WTAP: variants seen among roughly 807,000 people sequenced by gnomAD.
WTAP encodes WT1 associated protein.
In WTAP, 8 loss-of-function variants were observed where a neutral mutation model predicts 50.0. That is an observed-to-expected ratio of 0.16 (90% CI 0.09 to 0.29). The LOEUF (loss-of-function observed/expected upper bound fraction) is 0.29. WTAP is among the 10% of genes least tolerant of loss of function. WTAP has a pLI of 1.00. For synonymous variants in WTAP, 194 were observed against 169.0 expected, an observed-to-expected ratio of 1.15 and a Z score of -1.15; for missense variants, 295 against 470.7, an observed-to-expected ratio of 0.63 and a Z score of 3.45.
At chr6:159,735,581 T>C (rs1440016764) in intron 1 of WTAP, among the ~76,000 whole-genome samples, 1 of 152,066 alleles carries the variant, frequency 6.6e-6, no homozygotes, top group Non-Finnish European at 1.5e-5. Context: ...AAACCCCGTC[T>C]CTACTAAAAA....
At chr6:159,746,539 G>A (rs1779587312) in intron 5 of WTAP, among the ~76,000 whole-genome samples, 1 of 152,062 alleles carries the variant, frequency 6.6e-6, no homozygotes. Flanking sequence ...TAATAATAAT[G>A]CTTTATTTCT....
chr6:159,748,828 C>T lies in WTAP; in HGVS notation c.452+459C>T, dbSNP rs1349187151. 1 of 1,226,588 alleles carries T rather than the reference C, an allele frequency of 8.2e-7. No homozygotes were observed. The highest frequency in any genetic ancestry group is 1.6e-5 in the African/African-American group (1 of 64,224). 76.0% of individuals were successfully genotyped at this position (1,226,588 alleles called of 1,614,324 possible). ...AAATGTAAAAACGGAATATGCATCG[C>T]TCTTAACCTTGAGCATAGTGACTTA... On this transcript the variant is annotated intron_variant, in intron 6 of 7. Coordinates refer to ENST00000621533, the MANE Select transcript of WTAP (RefSeq NM_001270531.2). This position sits in a 1 kb window ranked among gnomAD's most constrained non-coding sequence, Gnocchi z 5.6.
At chr6:159,742,429 T>A (rs1164676220) in intron 4 of WTAP, among the ~76,000 whole-genome samples, 1 of 152,172 alleles carries the variant, frequency 6.6e-6, no homozygotes, top group African/African-American at 2.4e-5. Flanking sequence ...TACTTGAAAC[T>A]TTTCTTACTT....
chr6:159,738,938 A>G (rs747018106), intron 2 of WTAP, 52 bp from the exon 3 acceptor site: 102 of 1,402,052 alleles, frequency 7.3e-5, no homozygotes, highest in Non-Finnish European at 9.2e-5. Context: ...TCATTATAGA[A>G]CTTTGTGTCT....
chr6:159,745,976 C>T (rs1414547508), intron 5 of WTAP, among the ~76,000 whole-genome samples: 1 of 152,074 alleles, frequency 6.6e-6, no homozygotes, highest in African/African-American at 2.4e-5. Flanking sequence ...GACTGAGTAA[C>T]GATGCTACTA....
upstream of WTAP, chr6:159,727,497 C>A (rs1778259266): frequency 1.1e-5 from 11 of 993,150 alleles, no homozygotes; most frequent in Non-Finnish European, 1.2e-5. Flanking sequence ...GGCGGCGGGG[C>A]CTGGTTTCCT....
At position 159,727,667 on chromosome 6, in the gene WTAP, G is replaced by C. The variant is rs1778276682; in HGVS notation, c.-45G>C. On this transcript the variant is annotated 5_prime_UTR_variant, in exon 1 of 8. It removes an upstream start codon present in the reference 5' UTR. Transcript: ENST00000621533. ...GGCAAGCAGCGCGGCCTCGGCCTAT[G>C]CGACCGGTGGCGCCGGCGCGGCTTC... The C allele has an allele frequency of 1.0e-6, 1 of 985,150 alleles. No individual in the cohort carries two copies. Among genetic ancestry groups the C allele is most frequent in the Non-Finnish European group, 1.2e-6 (1 of 830,104 alleles). 61.0% of individuals were successfully genotyped at this position (985,150 alleles called of 1,614,324 possible).
intron 6 of WTAP, among the ~76,000 whole-genome samples, chr6:159,752,106 C>G (rs1476881456): frequency 6.6e-6 from 1 of 151,392 alleles, no homozygotes; most frequent in African/African-American, 2.4e-5. Flanking sequence ...CCATGCAACA[C>G]TTCAAAGATT....
intron 1 of WTAP, among the ~76,000 whole-genome samples, chr6:159,734,637 C>G (rs1447147692): frequency 6.6e-6 from 1 of 151,798 alleles, no homozygotes; most frequent in Non-Finnish European, 1.5e-5. Flanking sequence ...ATGGTGGGTC[C>G]CCATCTCTTA....
chr6:159,738,088 C>T (rs1779030964), intron 2 of WTAP, among the ~76,000 whole-genome samples: 3 of 152,186 alleles, frequency 2.0e-5, no homozygotes, highest in East Asian at 1.9e-4. Flanking sequence ...TCACATTTCA[C>T]GTTATACTAG....
At chr6:159,740,723 A>G (rs1779204234) in intron 3 of WTAP, among the ~76,000 whole-genome samples, 1 of 135,952 alleles carries the variant, frequency 7.4e-6, no homozygotes, top group African/African-American at 2.7e-5. Context: ...TTTTTTTTTT[A>G]AGACAGAGTC....
At chr6:159,739,824 C>CTTTTTTT (rs56389349) in intron 3 of WTAP, among the ~76,000 whole-genome samples, 7 of 85,158 alleles carry the variant, frequency 8.2e-5, no homozygotes, top group East Asian at 4.6e-4. Flanking sequence ...CACTTTTTAC[C>CTTTTTTT]TTTTTTTTTT....
At chr6:159,754,712 G>A (rs1455165767) in intron 7 of WTAP, among the ~76,000 whole-genome samples, 14 of 152,016 alleles carry the variant, frequency 9.2e-5, no homozygotes, top group Admixed American at 9.2e-4. Context: ...GGGGGATAAT[G>A]ACAAGAAAAA....
At chr6:159,731,315 C>A (rs903926629) in intron 1 of WTAP, among the ~76,000 whole-genome samples, 7 of 149,404 alleles carry the variant, frequency 4.7e-5, no homozygotes, top group Non-Finnish European at 1.0e-4. Context: ...AAAAAAAAAA[C>A]AAATTAGCTG....
In WTAP at chr6:159,755,142, A is replaced by C. The variant is rs759258633; in HGVS notation, c.722A>C (p.Gln241Pro). 1.2e-5 allele frequency: 20 copies of C among 1,614,098 alleles called. No homozygotes were observed. Among genetic ancestry groups the C allele is most frequent in the Admixed American group, 3.3e-5 (2 of 59,996 alleles). Residue 241 changes from glutamine (Q) to proline (P), a missense_variant, in exon 8 of 8, where the codon CAG becomes CCG. Gln to Pro is a moderately conservative substitution (Grantham distance 76). Coordinates refer to ENST00000621533, the MANE Select transcript of WTAP (RefSeq NM_001270531.2). Reference protein sequence around the residue: ...ETRQQLAQYQQQQSQASAPST... With the variant: ...ETRQQLAQYQPQQSQASAPST... ...CGCCAGCAGTTGGCTCAGTACCAGC[A>C]GCAGCAGTCTCAGGCCTCTGCCCCA...
intron 4 of WTAP, among the ~76,000 whole-genome samples, chr6:159,743,079 G>A (rs554760101): frequency 1.9e-4 from 29 of 152,306 alleles, no homozygotes; most frequent in African/African-American, 6.3e-4. Flanking sequence ...ACAGGGTCTC[G>A]CACTGTTGCC....
rs200551163 is a variant in WTAP at position 159,729,245 on chromosome 6, TAC to T, written c.-9+1543_-9+1544del. ...ATTTGCTTCTTGCTCCTCAAAATTG[TAC>T]GTTAGTTAGTAGGTCCTTCAGCAAA... On this transcript the variant is annotated intron_variant, in intron 1 of 7. Transcript: ENST00000621533. Among the ~76,000 whole-genome samples the T allele has an allele frequency of 5.2e-3, 789 of 152,328 alleles. 5 individuals are homozygous for T. Among genetic ancestry groups the T allele is most frequent in the African/African-American group, 0.018 (747 of 41,572 alleles).
upstream of WTAP, chr6:159,727,485 C>T (rs1459792122): frequency 1.6e-4 from 162 of 988,782 alleles, no homozygotes; most frequent in Non-Finnish European, 1.9e-4. Flanking sequence ...GGGGCGGGGC[C>T]GGGCGGCGGG....
chr6:159,727,365 C>T, upstream of WTAP: 4 of 647,370 alleles, frequency 6.2e-6, no homozygotes, highest in African/African-American at 3.4e-5. Flanking sequence ...CATGGCGGAG[C>T]GGGGAGGCTG....
Sources: gnomAD v4.1 joint callset for allele counts (sites outside exome capture counted in the v4.1 genomes callset) on GRCh38, gnomAD v4.1.1 for gene constraint, Gnocchi (gnomAD v3.1) non-coding constraint, MANE v1.5 for transcripts, NCBI Gene and HGNC (gene_info 2026-07-23, HGNC 2026-07-21) for gene names.